KCND2: variants seen among roughly 807,000 people sequenced by gnomAD.
KCND2 encodes the protein A-type voltage-gated potassium channel KCND2.
Under a neutral mutation model 54.4 loss-of-function variants are expected in KCND2, and 16 were observed. That is an observed-to-expected ratio of 0.29 (90% CI 0.20 to 0.45). KCND2 has a LOEUF of 0.45. KCND2 is among the 20% of genes least tolerant of loss of function. The pLI is 1.00. For missense variants in KCND2, 486 were observed against 824.2 expected (o/e 0.59, Z 5.02); for synonymous variants, 317 against 310.7 (o/e 1.02, Z -0.21).
intron 1 of KCND2, among the ~76,000 whole-genome samples, chr7:120,508,074 C>T (rs956967897): frequency 1.3e-5 from 2 of 151,338 alleles, no homozygotes; most frequent in African/African-American, 4.9e-5. Context: ...TTATTAGCTG[C>T]CGTGAAAACT....
At chr7:120,546,437 C>T (rs1033450352) in intron 1 of KCND2, among the ~76,000 whole-genome samples, 2 of 151,788 alleles carry the variant, frequency 1.3e-5, no homozygotes, top group African/African-American at 2.4e-5. Flanking sequence ...CTATCAATAA[C>T]CTTGTGAATT....
intron 2 of KCND2, among the ~76,000 whole-genome samples, chr7:120,738,281 G>A (rs551072954): frequency 6.6e-6 from 1 of 152,094 alleles, no homozygotes; most frequent in African/African-American, 2.4e-5. Flanking sequence ...GCATTTCCCA[G>A]CCTTTTCTTG....
intron 1 of KCND2, among the ~76,000 whole-genome samples, chr7:120,363,780 T>A (rs997187361): frequency 3.9e-5 from 6 of 152,206 alleles, no homozygotes; most frequent in East Asian, 1.9e-4. Context: ...TCCCTGATCT[T>A]CTCCTACCCT....
intron 1 of KCND2, among the ~76,000 whole-genome samples, chr7:120,399,882 C>T (rs903524873): frequency 1.8e-4 from 28 of 151,986 alleles, no homozygotes; most frequent in African/African-American, 4.8e-4. Flanking sequence ...CCTGCCACCA[C>T]GCCTGACAAA....
chr7:120,368,656 C>A (rs889149916), intron 1 of KCND2, among the ~76,000 whole-genome samples: 1 of 152,000 alleles, frequency 6.6e-6, no homozygotes, highest in Non-Finnish European at 1.5e-5. Context: ...AGGAGTATTC[C>A]TTTTTACTAA....
chr7:120,442,162 C>T (rs561883058), intron 1 of KCND2, among the ~76,000 whole-genome samples: 12 of 152,198 alleles, frequency 7.9e-5, no homozygotes, highest in East Asian at 1.9e-4. Context: ...GAATCCCCCA[C>T]GAACTGCCCT....
intron 1 of KCND2, among the ~76,000 whole-genome samples, chr7:120,287,479 G>T (rs1174355622): frequency 6.6e-6 from 1 of 151,988 alleles, no homozygotes; most frequent in African/African-American, 2.4e-5. Context: ...TCAAATATAA[G>T]AACCACTGAA....
chr7:120,307,160 A>G (rs2116306407), intron 1 of KCND2, among the ~76,000 whole-genome samples: 1 of 151,894 alleles, frequency 6.6e-6, no homozygotes, highest in East Asian at 1.9e-4. Flanking sequence ...CTCTGATGTC[A>G]TTTTTTTCTA....
At chr7:120,465,352 G>C (rs1042775703) in intron 1 of KCND2, among the ~76,000 whole-genome samples, 1 of 151,884 alleles carries the variant, frequency 6.6e-6, no homozygotes, top group African/African-American at 2.4e-5. Flanking sequence ...GGATCATAGA[G>C]AATAAGCACC....
At chr7:120,288,127 C>G (rs913257668) in intron 1 of KCND2, among the ~76,000 whole-genome samples, 1 of 151,966 alleles carries the variant, frequency 6.6e-6, no homozygotes, top group African/African-American at 2.4e-5. Context: ...CTAACATTGT[C>G]AAGGATAGGT....
chr7:120,438,293 A>T (rs1801898865), intron 1 of KCND2, among the ~76,000 whole-genome samples: 1 of 152,184 alleles, frequency 6.6e-6, no homozygotes, highest in Non-Finnish European at 1.5e-5. Flanking sequence ...GGAGTTGGCC[A>T]TGGGGATGTA....
intron 1 of KCND2, among the ~76,000 whole-genome samples, chr7:120,492,238 C>G (rs1802793424): frequency 6.6e-6 from 1 of 151,928 alleles, no homozygotes; most frequent in South Asian, 2.1e-4. Flanking sequence ...AAAACCATAA[C>G]TTAATATGTT....
intron 1 of KCND2, among the ~76,000 whole-genome samples, chr7:120,700,176 A>G (rs1792382706): frequency 6.6e-6 from 1 of 152,244 alleles, no homozygotes; most frequent in African/African-American, 2.4e-5. Context: ...ATCTCTAAAG[A>G]AAAGGATATA....
At chr7:120,583,794 G>A (rs914268749) in intron 1 of KCND2, among the ~76,000 whole-genome samples, 1 of 135,248 alleles carries the variant, frequency 7.4e-6, no homozygotes, top group Admixed American at 7.5e-5. Context: ...TGGGGGGGGG[G>A]ACAAAATTCA....
chr7:120,690,153 G>A (rs1209800218), intron 1 of KCND2, among the ~76,000 whole-genome samples: 2 of 151,904 alleles, frequency 1.3e-5, no homozygotes, highest in Non-Finnish European at 2.9e-5. Flanking sequence ...TTATTTATTG[G>A]TTAAATGACA....
intron 1 of KCND2, among the ~76,000 whole-genome samples, chr7:120,353,616 A>G (rs1002974770): frequency 1.3e-5 from 2 of 152,156 alleles, no homozygotes; most frequent in African/African-American, 4.8e-5. Flanking sequence ...TTCTTGAAAT[A>G]AGACTATCTA....
intron 1 of KCND2, among the ~76,000 whole-genome samples, chr7:120,395,120 A>G (rs778376457): frequency 6.6e-6 from 1 of 151,990 alleles, no homozygotes; most frequent in Admixed American, 6.6e-5. Flanking sequence ...CCAGTTTTGT[A>G]TATCATTGGA....
chr7:120,675,164 C>T (rs753945783), intron 1 of KCND2, among the ~76,000 whole-genome samples: 2 of 152,102 alleles, frequency 1.3e-5, no homozygotes, highest in South Asian at 2.1e-4. Flanking sequence ...TCTGTTCATA[C>T]TACTGCGGCT....
intron 1 of KCND2, among the ~76,000 whole-genome samples, chr7:120,307,718 A>G (rs1457440764): frequency 1.3e-5 from 2 of 152,136 alleles, no homozygotes; most frequent in Non-Finnish European, 2.9e-5. Context: ...TGAGTGGAAC[A>G]TATCAACGTG....
Sources: gnomAD v4.1 joint callset for allele counts (sites outside exome capture counted in the v4.1 genomes callset) on GRCh38, gnomAD v4.1.1 for gene constraint, MANE v1.5 for transcripts, NCBI Gene and HGNC (gene_info 2026-07-23, HGNC 2026-07-21) for gene names.